The following SEMA5A variants were observed in gnomAD, a reference collection of about 807,000 sequenced individuals.
SEMA5A encodes semaphorin-5A.
Under a neutral mutation model 135.5 loss-of-function variants are expected in SEMA5A, and 55 were observed. The ratio of observed to expected loss-of-function variants is 0.41; its 90% CI spans 0.33 to 0.51. SEMA5A has a LOEUF of 0.51. Among genes scored for constraint, SEMA5A ranks in the 20% least tolerant of loss-of-function variants. The probability of loss-of-function intolerance (pLI) is 0.37; values close to 1 mark genes in which losing one functional copy is unlikely to be tolerated. For missense variants in SEMA5A, 1,290 were observed against 1,419.9 expected (o/e 0.91, Z 1.47); for synonymous variants, 580 against 546.5 (o/e 1.06, Z -0.85).
chr5:9,043,113 C>T, intron 22 of SEMA5A, 97 bp from the exon 23 acceptor site: 5 of 1,037,104 alleles, frequency 4.8e-6, no homozygotes, highest in Admixed American at 2.4e-5. Flanking sequence ...TTTGAGCTCT[C>T]TGCTAAGACT....
At chr5:9,167,979 G>T (rs908861441) in intron 11 of SEMA5A, among the ~76,000 whole-genome samples, 1 of 152,074 alleles carries the variant, frequency 6.6e-6, no homozygotes. Context: ...CCTGGTTATT[G>T]CCAAGAAATA....
chr5:9,190,184 G>A, intron 11 of SEMA5A, 83 bp downstream of exon 11: 1 of 1,430,296 alleles, frequency 7.0e-7, no homozygotes, highest in Non-Finnish European at 9.6e-7. Context: ...GCTTGAAATT[G>A]AAATTGAATG....
chr5:9,465,867 T>C (rs970064927), intron 1 of SEMA5A, among the ~76,000 whole-genome samples: 4 of 152,150 alleles, frequency 2.6e-5, no homozygotes, highest in African/African-American at 9.7e-5. Context: ...CCCAGAATGA[T>C]AAGGTGATAT....
chr5:9,511,916 T>C (rs984867404), intron 1 of SEMA5A: 2 of 152,182 alleles, frequency 1.3e-5, no homozygotes, highest in East Asian at 1.9e-4. Flanking sequence ...TAAATAATAG[T>C]ATGTAACACT....
intron 1 of SEMA5A, among the ~76,000 whole-genome samples, chr5:9,466,056 T>C (rs1212207085): frequency 6.6e-6 from 1 of 152,126 alleles, no homozygotes; most frequent in East Asian, 1.9e-4. Context: ...TAACATTTCT[T>C]TCTCTCGAGG....
chr5:9,344,895 T>C (rs1753796862), intron 3 of SEMA5A, among the ~76,000 whole-genome samples: 1 of 152,170 alleles, frequency 6.6e-6, no homozygotes, highest in African/African-American at 2.4e-5. Context: ...CCCTTGACTT[T>C]ATAGTTGAGG....
intron 2 of SEMA5A, among the ~76,000 whole-genome samples, chr5:9,396,694 C>T (rs1756417054): frequency 6.6e-6 from 1 of 152,202 alleles, no homozygotes; most frequent in African/African-American, 2.4e-5. Context: ...AGTGTACTCA[C>T]CCTGCCTTGC....
chr5:9,344,547 G>C (rs1003448640), intron 3 of SEMA5A, among the ~76,000 whole-genome samples: 7 of 152,134 alleles, frequency 4.6e-5, no homozygotes, highest in African/African-American at 1.7e-4. Context: ...CCACTGAGCA[G>C]GACATAAGTG....
chr5:9,206,431 C>T (rs576023154), intron 8 of SEMA5A, among the ~76,000 whole-genome samples: 2 of 151,932 alleles, frequency 1.3e-5, no homozygotes, highest in East Asian at 1.9e-4. Flanking sequence ...AGAAGTGACT[C>T]ACCATATATG....
At chr5:9,539,847 T>A (rs1196341452) in intron 1 of SEMA5A, among the ~76,000 whole-genome samples, 1 of 152,206 alleles carries the variant, frequency 6.6e-6, no homozygotes, top group Non-Finnish European at 1.5e-5. Context: ...TAACAAGCAC[T>A]GACTTACTGT....
intron 1 of SEMA5A, among the ~76,000 whole-genome samples, chr5:9,513,066 A>AT (rs1481022778): frequency 6.8e-5 from 6 of 88,550 alleles, no homozygotes; most frequent in South Asian, 6.6e-4. Flanking sequence ...ATATATATAT[A>AT]TAATATATAT....
chr5:9,544,717 T>A (rs788321), intron 1 of SEMA5A, among the ~76,000 whole-genome samples: 62,608 of 151,982 alleles, frequency 0.41, 12,995 homozygotes, highest in African/African-American at 0.43. Flanking sequence ...CGCGGCATCC[T>A]GGTACAAAGC....
At chr5:9,069,369 T>C (rs1737648369) in intron 16 of SEMA5A, among the ~76,000 whole-genome samples, 2 of 150,296 alleles carry the variant, frequency 1.3e-5, no homozygotes, top group Admixed American at 6.6e-5. Flanking sequence ...TTCCAGATTC[T>C]ACTTTTTAAA....
chr5:9,082,898 A>G (rs1738467672), intron 16 of SEMA5A, among the ~76,000 whole-genome samples: 2 of 152,188 alleles, frequency 1.3e-5, no homozygotes, highest in Non-Finnish European at 2.9e-5. Context: ...ATAAGTTTCA[A>G]TTTAACTTGC....
intron 5 of SEMA5A, among the ~76,000 whole-genome samples, chr5:9,271,258 C>A (rs1749959303): frequency 6.6e-6 from 1 of 152,150 alleles, no homozygotes; most frequent in African/African-American, 2.4e-5. Context: ...TGTAAGTTTC[C>A]TGAGGCCTCC....
At chr5:9,470,314 C>T (rs1220388718) in intron 1 of SEMA5A, among the ~76,000 whole-genome samples, 1 of 152,170 alleles carries the variant, frequency 6.6e-6, no homozygotes, top group Non-Finnish European at 1.5e-5. Flanking sequence ...TGTACAATGA[C>T]TGAGATTTGG....
chr5:9,419,400 G>A (rs151213947), intron 2 of SEMA5A, among the ~76,000 whole-genome samples: 3,655 of 152,230 alleles, frequency 0.024, 54 homozygotes, highest in South Asian at 0.041. Flanking sequence ...GCCAGAGTGT[G>A]TGCCTCACTT....
chr5:9,268,328 A>T (rs1271495290), intron 5 of SEMA5A, among the ~76,000 whole-genome samples: 3 of 152,126 alleles, frequency 2.0e-5, no homozygotes, highest in Non-Finnish European at 4.4e-5. Context: ...AACTTCCAAG[A>T]CATTTTCTGT....
intron 4 of SEMA5A, among the ~76,000 whole-genome samples, chr5:9,335,485 A>G (rs997857120): frequency 6.6e-6 from 1 of 152,238 alleles, no homozygotes; most frequent in Non-Finnish European, 1.5e-5. Flanking sequence ...GTCTGTTCAC[A>G]CAGCACCCAG....
Sources: gnomAD v4.1 joint callset for allele counts (sites outside exome capture counted in the v4.1 genomes callset) on GRCh38, gnomAD v4.1.1 for gene constraint, MANE v1.5 for transcripts, NCBI Gene and HGNC (gene_info 2026-07-23, HGNC 2026-07-21) for gene names.